Variants in LRRIQ1 observed in about 807,000 individuals in gnomAD.
LRRIQ1 encodes the protein leucine rich repeats and IQ motif containing 1, also known as leucine-rich repeat- and IQ domain-containing protein 1.
LRRIQ1 carries 210 observed loss-of-function variants against 211.9 expected under a neutral mutation model. The observed-to-expected ratio is 0.99, with a 90% confidence interval of 0.89 to 1.11. The LOEUF (loss-of-function observed/expected upper bound fraction) is 1.11. Among genes scored for constraint, LRRIQ1 ranks in the 50% most tolerant of loss-of-function variants. The pLI is 0.00. For synonymous variants in LRRIQ1, 699 were observed against 650.1 expected (o/e 1.08, Z -1.14); for missense variants, 2,136 against 1,939.5 (o/e 1.10, Z -1.90).
chr12:85,040,963 C>G (rs1878815326), intron 3 of LRRIQ1, among the ~76,000 whole-genome samples: 1 of 151,180 alleles, frequency 6.6e-6, no homozygotes, highest in African/African-American at 2.4e-5. Flanking sequence ...TTTGAAAAGC[C>G]CAACAGTATT....
intron 15 of LRRIQ1, among the ~76,000 whole-genome samples, chr12:85,107,993 C>T (rs774222711): frequency 2.0e-5 from 3 of 151,974 alleles, no homozygotes; most frequent in Non-Finnish European, 4.4e-5. Flanking sequence ...TCTGTTCTTT[C>T]CATCATCTCT....
At position 85,056,619 on chromosome 12, in the gene LRRIQ1, T is replaced by C; in HGVS notation, c.1826T>C (p.Val609Ala). Reference protein sequence around the residue: ...YKDKDTLVISVKQRSLSLTSE... With the variant: ...YKDKDTLVISAKQRSLSLTSE... ...GATAAGGATACTTTAGTTATTTCAG[T>C]GAAACAAAGATCACTCTCACTAACA... The change falls in exon 8 of 27, where the codon GTG (valine) becomes GCG (alanine). Residue 609 changes from valine (V) to alanine (A), a missense_variant. Val to Ala is a moderately conservative substitution (Grantham distance 64). Transcript: ENST00000393217. 1 of 1,594,514 alleles carries C rather than the reference T, an allele frequency of 6.3e-7. No individual in the cohort carries two copies. The highest frequency in any genetic ancestry group is 2.2e-5 in the East Asian group (1 of 44,552).
At chr12:85,080,060 TAC>T (rs955234551) in intron 11 of LRRIQ1, among the ~76,000 whole-genome samples, 47 of 152,190 alleles carry the variant, frequency 3.1e-4, no homozygotes, top group Middle Eastern at 3.4e-3. Flanking sequence ...ATGTTTTTAA[TAC>T]ACACGCGCAC....
chr12:85,193,476 G>A (rs1328419784), intron 24 of LRRIQ1, among the ~76,000 whole-genome samples: 19 of 137,702 alleles, frequency 1.4e-4, no homozygotes, highest in Admixed American at 3.1e-4. Context: ...TGGATCTCTC[G>A]GCAGAAACCC....
chr12:85,039,365 A>T (rs868404964), intron 2 of LRRIQ1, among the ~76,000 whole-genome samples: 22 of 151,720 alleles, frequency 1.5e-4, no homozygotes, highest in South Asian at 6.2e-4. Flanking sequence ...CCAAGACATA[A>T]CAACAATCTC....
rs915509139 is a variant in LRRIQ1 at position 85,056,531 on chromosome 12, C to T, written c.1738C>T (p.Gln580Ter). ...GCAGAAAATAATCAAAGATAATCAG[C>T]AGAAAAAGATACAAAAAGTAGAAAA... Reference protein sequence around the residue: ...EEQKIIKDNQQKKIQKVEKEE... With the variant: ...EEQKIIKDNQ Residue 580 changes from glutamine to a stop codon, truncating the protein, a stop_gained, in exon 8 of 27, where the codon CAG becomes TAG. Coordinates refer to ENST00000393217, the MANE Select transcript of LRRIQ1 (RefSeq NM_001079910.2). LOFTEE classifies it high-confidence loss of function. The T allele has an allele frequency of 6.8e-6, 11 of 1,609,538 alleles. No individual in the cohort carries two copies. The highest frequency in any genetic ancestry group is 7.6e-6 in the Non-Finnish European group (9 of 1,178,308).
intron 2 of LRRIQ1, among the ~76,000 whole-genome samples, chr12:85,039,987 G>A (rs754544234): frequency 6.6e-6 from 1 of 151,524 alleles, no homozygotes; most frequent in Non-Finnish European, 1.5e-5. Flanking sequence ...TACAAATCGA[G>A]TTACATAGGC....
At chr12:85,134,088 C>T (rs953406931) in intron 18 of LRRIQ1, among the ~76,000 whole-genome samples, 1 of 152,050 alleles carries the variant, frequency 6.6e-6, no homozygotes, top group African/African-American at 2.4e-5. Flanking sequence ...GACCAGTTGG[C>T]CACAGAATGA....
intron 4 of LRRIQ1, 22 bp downstream of exon 4, chr12:85,044,831 T>A: frequency 8.9e-7 from 1 of 1,119,954 alleles, no homozygotes; most frequent in Non-Finnish European, 1.3e-6. Flanking sequence ...ATATTTGACT[T>A]AAAATATTCA....
At chr12:85,192,699 G>C (rs866704276) in intron 24 of LRRIQ1, among the ~76,000 whole-genome samples, 1 of 68,308 alleles carries the variant, frequency 1.5e-5, no homozygotes, top group Non-Finnish European at 2.3e-5. Context: ...TAAATATATA[G>C]TTATATACTA....
intron 24 of LRRIQ1, among the ~76,000 whole-genome samples, chr12:85,218,878 C>A (rs928270482): frequency 6.6e-6 from 1 of 152,062 alleles, no homozygotes; most frequent in Admixed American, 6.6e-5. Flanking sequence ...TACAACTTGG[C>A]ATAACACTGT....
In LRRIQ1 at chr12:85,153,650, T is replaced by C. The variant is rs376155401; in HGVS notation, c.4542-13T>C. On this transcript the variant is annotated splice_polypyrimidine_tract_variant and intron_variant, in intron 21 of 26. Transcript: ENST00000393217. ...TGTTGATTCAGTTAAAAGTGGTTTT[T>C]TTCTATTGCCAGATCAGAAAATAAA... 63 of 1,556,356 alleles carry C rather than the reference T, an allele frequency of 4.0e-5. No homozygotes were observed. The African/African-American group carries it at 8.6e-4, about 21-fold the overall frequency.
At chr12:85,244,095 C>T (rs1895601327) in intron 26 of LRRIQ1, among the ~76,000 whole-genome samples, 1 of 151,488 alleles carries the variant, frequency 6.6e-6, no homozygotes, top group South Asian at 2.1e-4. Flanking sequence ...TGATATTCAA[C>T]ATTATGTACA....
chr12:85,072,128 A>G (rs1329928540), intron 10 of LRRIQ1, among the ~76,000 whole-genome samples: 2 of 152,102 alleles, frequency 1.3e-5, no homozygotes, highest in Admixed American at 1.3e-4. Flanking sequence ...CCTCTGAGCA[A>G]TGCTTATTCT....
chr12:85,143,646 CTATTA>C (rs1478608337), intron 19 of LRRIQ1, among the ~76,000 whole-genome samples: 1 of 151,486 alleles, frequency 6.6e-6, no homozygotes, highest in Non-Finnish European at 1.5e-5. Flanking sequence ...TGTTTTTAGC[CTATTA>C]TATTCTTATT....
In LRRIQ1 at chr12:85,073,064, T is replaced by C; in HGVS notation, c.2853T>C (p.Asp951=). 1 of 1,609,038 alleles carries C rather than the reference T, an allele frequency of 6.2e-7. No individual in the cohort carries two copies. The highest frequency in any genetic ancestry group is 8.5e-7 in the Non-Finnish European group (1 of 1,177,182). Reference sequence around the variant, plus strand: ...TTACCTCACTTACAAAAAATTCAGATTGTAATTTCCTTATCTCCCACTTAT... The same window carrying C: ...TTACCTCACTTACAAAAAATTCAGACTGTAATTTCCTTATCTCCCACTTAT... ...IPITSLTKNS[D]CNFLISHLYW... Residue 951 remains aspartate, a synonymous_variant, in exon 11 of 27, where the codon GAT becomes GAC. Transcript: ENST00000393217.
chr12:85,182,417 C>A (rs1003982513), intron 24 of LRRIQ1, among the ~76,000 whole-genome samples: 1 of 152,002 alleles, frequency 6.6e-6, no homozygotes, highest in Non-Finnish European at 1.5e-5. Context: ...TTATGTGTGC[C>A]AAGATTTAGG....
At chr12:85,177,497 G>T (rs1891765963) in intron 24 of LRRIQ1, among the ~76,000 whole-genome samples, 2 of 152,092 alleles carry the variant, frequency 1.3e-5, no homozygotes, top group Non-Finnish European at 2.9e-5. Flanking sequence ...GGGAGGTTGT[G>T]TAGAATGACT....
rs2135916574 is a variant in LRRIQ1 at position 85,046,099 on chromosome 12, G to C, written c.416G>C (p.Ser139Thr). 1 of 1,610,386 alleles carries C rather than the reference G, an allele frequency of 6.2e-7. No individual in the cohort carries two copies. Residue 139 changes from serine to threonine, a missense_variant, in exon 5 of 27, where the codon AGT (serine) becomes ACT (threonine). Coordinates refer to ENST00000393217, the MANE Select transcript of LRRIQ1 (RefSeq NM_001079910.2). ...ACTCCTGATTTTGTTCCTGAGCCTA[G>C]TCCTCATGACTTGCCTATGGATGAA... ...CATPDFVPEP[S>T]PHDLPMDEHV...
Sources: allele counts gnomAD v4.1 joint callset (sites outside exome capture counted in the v4.1 genomes callset), GRCh38; gene constraint gnomAD v4.1.1; transcripts MANE v1.5; gene names NCBI Gene and HGNC (gene_info 2026-07-23, HGNC 2026-07-21).